FAM178B: variants seen among roughly 807,000 people sequenced by gnomAD.
FAM178B encodes the protein family with sequence similarity 178 member B.
Under a neutral mutation model 91.7 loss-of-function variants are expected in FAM178B, and 82 were observed. The ratio of observed to expected loss-of-function variants is 0.89; its 90% CI spans 0.75 to 1.07. The LOEUF (loss-of-function observed/expected upper bound fraction) is 1.07, where lower values mean the gene tolerates loss of function less well. FAM178B is among the 50% of genes least tolerant of loss of function. The probability of loss-of-function intolerance (pLI) is 0.00; values close to 1 mark genes in which losing one functional copy is unlikely to be tolerated. For missense variants in FAM178B, 769 were observed against 846.7 expected, an observed-to-expected ratio of 0.91 and a Z score of 1.14; for synonymous variants, 368 against 359.4, an observed-to-expected ratio of 1.02 and a Z score of -0.27.
At chr2:96,965,672 C>T (rs2082133988) in intron 5 of FAM178B, among the ~76,000 whole-genome samples, 1 of 152,052 alleles carries the variant, frequency 6.6e-6, no homozygotes, top group Non-Finnish European at 1.5e-5. Flanking sequence ...CCCTGTGTTG[C>T]CGGGGCTGGT....
Position 96,893,845 on chromosome 2 carries a change from A to G in FAM178B, c.1776+81T>C, listed in dbSNP as rs1278324740. On this transcript the variant is annotated intron_variant, in intron 14 of 16. Transcript: ENST00000490605. ...TCTGGAAGGACCCGCAGGCCATGCA[A>G]TGTGGACAGCCCTGCCTTTCCCTGC... The G allele has an allele frequency of 2.7e-6, 4 of 1,496,418 alleles. No individual in the cohort carries two copies. The African/African-American group carries it at 4.2e-5, about 16-fold the overall frequency. 92.7% of individuals were successfully genotyped at this position (1,496,418 alleles called of 1,614,324 possible).
intron 13 of FAM178B, among the ~76,000 whole-genome samples, chr2:96,900,411 GT>G (rs2080905568): frequency 6.6e-6 from 1 of 152,040 alleles, no homozygotes; most frequent in African/African-American, 2.4e-5. Context: ...TTCCACAAGC[GT>G]GCACTGCCTT....
chr2:96,898,153 G>C (rs890845711), intron 13 of FAM178B: 1 of 975,178 alleles, frequency 1.0e-6, no homozygotes, highest in Non-Finnish European at 1.2e-6. Flanking sequence ...ACAGTGAATC[G>C]ATTGATAGGA....
intron 12 of FAM178B, among the ~76,000 whole-genome samples, chr2:96,918,332 G>C (rs1466851509): frequency 6.6e-6 from 1 of 152,134 alleles, no homozygotes; most frequent in Non-Finnish European, 1.5e-5. Context: ...TTAACTGATA[G>C]GAAAGTGGGT....
intron 14 of FAM178B, among the ~76,000 whole-genome samples, chr2:96,879,920 G>C (rs2080338566): frequency 6.6e-6 from 1 of 152,236 alleles, no homozygotes; most frequent in Non-Finnish European, 1.5e-5. Context: ...CCTCCAACCT[G>C]GCCTTGCCTT....
chr2:96,901,571 TGTTTTC>T (rs2080933016), intron 13 of FAM178B, among the ~76,000 whole-genome samples: 1 of 152,196 alleles, frequency 6.6e-6, no homozygotes, highest in Non-Finnish European at 1.5e-5. Flanking sequence ...TAATAGTATT[TGTTTTC>T]ATCTTTACAA....
chr2:96,895,480 C>A (rs902866543), intron 13 of FAM178B, among the ~76,000 whole-genome samples: 1 of 152,234 alleles, frequency 6.6e-6, no homozygotes, highest in African/African-American at 2.4e-5. Context: ...ATGTGACCTG[C>A]GTAAGTCCAG....
In FAM178B at chr2:96,969,463, C is replaced by T. The variant is rs181287916; in HGVS notation, c.626+1253G>A. On this transcript the variant is annotated intron_variant, in intron 4 of 16. Transcript: ENST00000490605. The stretch of plus-strand genomic sequence containing the variant: ...CAGAACCTCAATCCTGGGCTGCTGG[C>T]CACCAGAACTGGGAGAAATAACTGT... 6.6e-5 allele frequency among the ~76,000 whole-genome samples: 10 copies of T among 152,312 alleles called. No homozygotes were observed. The East Asian group carries it at 1.9e-3, about 29-fold the overall frequency.
At chr2:96,878,923 T>C (rs1318628057) in intron 14 of FAM178B, among the ~76,000 whole-genome samples, 1 of 152,224 alleles carries the variant, frequency 6.6e-6, no homozygotes, top group African/African-American at 2.4e-5. Flanking sequence ...GTCGCCTTGC[T>C]GACCCGAGGA....
chr2:96,920,414 A>T (rs1024946651), intron 12 of FAM178B, among the ~76,000 whole-genome samples: 3 of 152,212 alleles, frequency 2.0e-5, no homozygotes, highest in African/African-American at 7.2e-5. Context: ...ATCCTGGCTA[A>T]CACGGTGAAA....
At chr2:96,924,522 G>A (rs1425081571) in intron 9 of FAM178B, among the ~76,000 whole-genome samples, 1 of 152,224 alleles carries the variant, frequency 6.6e-6, no homozygotes, top group Non-Finnish European at 1.5e-5. Flanking sequence ...GCCACACGCA[G>A]GGTGGTGAGA....
chr2:96,926,127 A>C (rs1407821550), intron 9 of FAM178B, among the ~76,000 whole-genome samples: 1 of 152,168 alleles, frequency 6.6e-6, no homozygotes, highest in Non-Finnish European at 1.5e-5. Context: ...AACATGGTGA[A>C]ACCCCATCTC....
Position 96,981,740 on chromosome 2 carries a change from C to CAAAAAAA in FAM178B, c.73+4494_73+4500dup, listed in dbSNP as rs377081384. On this transcript the variant is annotated intron_variant, in intron 1 of 16. Coordinates refer to ENST00000490605, the MANE Select transcript of FAM178B (RefSeq NM_001122646.3). Reference sequence around the variant, plus strand: ...TGGGTGACAGAGTGAGACTCCGTCTCAAAAAAAAAAAAAAAAAAAAAAGAA... The same window carrying CAAAAAAA: ...TGGGTGACAGAGTGAGACTCCGTCTCAAAAAAAAAAAAAAAAAAAAAAAAAAAAAGAA... Among the ~76,000 whole-genome samples, 89 of 18,686 alleles carry CAAAAAAA rather than the reference C, an allele frequency of 4.8e-3. 2 individuals are homozygous for CAAAAAAA. The highest frequency in any genetic ancestry group is 0.011 in the African/African-American group (78 of 6,784). The allele number at this position is 18,686 out of a possible 152,430, so 12.3% of individuals were successfully genotyped here. A position where few individuals can be genotyped will look rare whatever the true frequency, so the allele number is the denominator to read the frequency against.
Position 96,877,886 on chromosome 2 carries a change from C to A in FAM178B, c.2007+4G>T. 6.2e-7 allele frequency: 1 copy of A among 1,612,342 alleles called. No individual in the cohort carries two copies. The highest frequency in any genetic ancestry group is 2.2e-5 in the East Asian group (1 of 44,882). The stretch of plus-strand genomic sequence containing the variant: ...CCAGGTCTGGGGGCTAGAGGGGGCA[C>A]CACCTGGGGCTGGCAGTGGGTCAGC... On this transcript the variant is annotated splice_donor_region_variant and intron_variant, in intron 16 of 16. Transcript: ENST00000490605.
chr2:96,890,510 CTGAGGCT>C (rs1301513862), intron 14 of FAM178B, among the ~76,000 whole-genome samples: 4 of 152,102 alleles, frequency 2.6e-5, no homozygotes, highest in African/African-American at 7.2e-5. Context: ...ACCCTGAGCC[CTGAGGCT>C]GGATAGAACA....
At chr2:96,977,971 A>C (rs781079876) in intron 1 of FAM178B, 71 of 450,596 alleles carry the variant, frequency 1.6e-4, no homozygotes, top group African/African-American at 1.3e-3. Flanking sequence ...GGCGACCGGC[A>C]AGAGGGAGCA....
intron 4 of FAM178B, among the ~76,000 whole-genome samples, chr2:96,969,267 C>T (rs1300933706): frequency 3.3e-5 from 5 of 152,180 alleles, no homozygotes; most frequent in Non-Finnish European, 7.3e-5. Flanking sequence ...CCCAGTATAG[C>T]TATATTTGGA....
intron 14 of FAM178B, among the ~76,000 whole-genome samples, chr2:96,881,381 C>T (rs1050825147): frequency 1.3e-5 from 2 of 151,698 alleles, no homozygotes; most frequent in African/African-American, 4.8e-5. Flanking sequence ...GTTATCAGGG[C>T]CGTCACTGAG....
intron 1 of FAM178B, among the ~76,000 whole-genome samples, chr2:96,979,883 TATC>T (rs1484993183): frequency 1.3e-5 from 2 of 152,216 alleles, no homozygotes; most frequent in Non-Finnish European, 2.9e-5. Flanking sequence ...TGTACCTACA[TATC>T]ATATTGATGG....
Sources: gnomAD v4.1 joint callset for allele counts (sites outside exome capture counted in the v4.1 genomes callset) on GRCh38, gnomAD v4.1.1 for gene constraint, MANE v1.5 for transcripts, NCBI Gene and HGNC (gene_info 2026-07-23, HGNC 2026-07-21) for gene names.